The following DEPDC1 variants were observed in gnomAD, a reference collection of about 807,000 sequenced individuals.
DEPDC1 encodes DEP domain-containing protein 1A.
Under a neutral mutation model 86.8 loss-of-function variants are expected in DEPDC1, and 66 were observed. The ratio of observed to expected loss-of-function variants is 0.76; its 90% CI spans 0.62 to 0.93. The LOEUF (loss-of-function observed/expected upper bound fraction) is 0.93, where lower values mean the gene tolerates loss of function less well. Ranked by LOEUF, DEPDC1 falls within the 40% of genes least tolerant of loss-of-function variation. The pLI is 0.00. For synonymous variants in DEPDC1, 255 were observed against 314.9 expected (o/e 0.81, Z 2.02); for missense variants, 792 against 935.7 (o/e 0.85, Z 2.00).
chr1:68,492,660 G>A (rs769803006), intron 2 of DEPDC1, among the ~76,000 whole-genome samples: 1 of 152,160 alleles, frequency 6.6e-6, no homozygotes, highest in Non-Finnish European at 1.5e-5. Context: ...GGGGCAGAGA[G>A]ACTAGTTGAG....
At position 68,481,627 on chromosome 1, in the gene DEPDC1, T is replaced by A. The variant is rs1557617530; in HGVS notation, c.1763-15A>T. The A allele has an allele frequency of 1.4e-6, 2 of 1,473,898 alleles. No homozygotes were observed. The highest frequency in any genetic ancestry group is 2.4e-5 in the South Asian group (2 of 83,418). 91.3% of individuals were successfully genotyped at this position (1,473,898 alleles called of 1,614,324 possible). A position where few individuals can be genotyped will look rare whatever the true frequency, so the allele number is the denominator to read the frequency against. On this transcript the variant is annotated splice_polypyrimidine_tract_variant and intron_variant, in intron 8 of 11. Transcript: ENST00000456315. Reference sequence around the variant, plus strand: ...TTGCAGCAAGCCTAGAATACAAAAATACCCCCCCAAAAATCATCAATGACA... The same window carrying A: ...TTGCAGCAAGCCTAGAATACAAAAAAACCCCCCCAAAAATCATCAATGACA...
At chr1:68,484,160 A>G in intron 6 of DEPDC1, 70 bp from the exon 7 acceptor site, 1 of 1,241,212 alleles carries the variant, frequency 8.1e-7, no homozygotes. Context: ...AAACATAAAA[A>G]GTATAAAATC....
chr1:68,487,148 T>C (rs562207685), intron 5 of DEPDC1, among the ~76,000 whole-genome samples, 164 bp from the exon 6 acceptor site: 2 of 152,152 alleles, frequency 1.3e-5, no homozygotes, highest in South Asian at 2.1e-4. Flanking sequence ...ATTATATGTT[T>C]AATAAGACAC....
chr1:68,482,051 G>A lies in DEPDC1; in HGVS notation c.1757C>T (p.Thr586Ile). 6.3e-7 allele frequency: 1 copy of A among 1,583,740 alleles called. No individual in the cohort carries two copies. Among genetic ancestry groups the A allele is most frequent in the Non-Finnish European group, 8.6e-7 (1 of 1,168,404 alleles). ...LLPASSMLTG[T>I]QSLLQPHLER... ...ATTGAAAGCAACAGCCTTACTTTGT[G>A]TGCCAGTCAACATAGAAGAAGCTGG... The change falls in exon 8 of 12, where the codon ACA becomes ATA. Residue 586 changes from threonine (T) to isoleucine (I), a missense_variant. Thr to Ile is a moderately conservative substitution (Grantham distance 89). Coordinates refer to ENST00000456315, the MANE Select transcript of DEPDC1 (RefSeq NM_001114120.3).
rs898420847 is a variant in DEPDC1, at chr1:68,476,312, A to AAT, written c.*618_*619dup. On this transcript the variant is annotated 3_prime_UTR_variant, in exon 12 of 12. Transcript: ENST00000456315. ...ATAGATTATGAAAACTAGAATTCAA[A>AAT]ATATATATACTGAACAAATGAATGA... 4.4e-4 allele frequency: 67 copies of AAT among 151,968 alleles called. 1 individual carries two copies. The highest frequency in any genetic ancestry group is 1.2e-3 in the African/African-American group (50 of 41,538). The allele number at this position is 151,968 out of a possible 1,614,324, so 9.4% of individuals were successfully genotyped here.
chr1:68,495,977 C>T (rs1646262178), intron 1 of DEPDC1, among the ~76,000 whole-genome samples: 1 of 152,130 alleles, frequency 6.6e-6, no homozygotes, highest in Non-Finnish European at 1.5e-5. Flanking sequence ...TAAATTCTAT[C>T]CTTCATATTG....
Position 68,496,773 on chromosome 1 carries a change from T to C in DEPDC1, c.48+179A>G, listed in dbSNP as rs1646268657. 1 of 594,250 alleles carries C rather than the reference T, an allele frequency of 1.7e-6. No individual in the cohort carries two copies. The highest frequency in any genetic ancestry group is 3.0e-6 in the Non-Finnish European group (1 of 335,266). 36.8% of individuals were successfully genotyped at this position (594,250 alleles called of 1,614,324 possible). On this transcript the variant is annotated intron_variant, in intron 1 of 11. Coordinates refer to ENST00000456315, the MANE Select transcript of DEPDC1 (RefSeq NM_001114120.3). This position sits in a 1 kb window ranked among gnomAD's most constrained non-coding sequence, Gnocchi z 4.0. Reference sequence around the variant, plus strand: ...CAGACCCTCAAAATAGAGGGAGCGGTGAGTCTGGCAAGGGTTGCATACCCG... The same window carrying C: ...CAGACCCTCAAAATAGAGGGAGCGGCGAGTCTGGCAAGGGTTGCATACCCG...
chr1:68,481,499 G>A lies in DEPDC1; in HGVS notation c.1876C>T (p.Arg626Ter), dbSNP rs772947978. 5.0e-6 allele frequency: 8 copies of A among 1,612,080 alleles called. No homozygotes were observed. Among genetic ancestry groups the A allele is most frequent in the South Asian group, 3.3e-5 (3 of 90,956 alleles). Reference sequence around the variant, plus strand: ...GGCATATCAACATTTTGACTCATTCGGGAAATCATACGCATTAAAAGTTGA... The same window carrying A: ...GGCATATCAACATTTTGACTCATTCAGGAAATCATACGCATTAAAAGTTGA... Reference protein sequence around the residue: ...KLQLLMRMISRMSQNVDMPKL... With the variant: ...KLQLLMRMIS The change falls in exon 9 of 12, where the codon CGA (arginine) becomes TGA (stop). Residue 626 changes from arginine (R) to a stop codon, truncating the protein, a stop_gained. Transcript: ENST00000456315. LOFTEE classifies it high-confidence loss of function.
Position 68,486,976 on chromosome 1 carries a change from G to A in DEPDC1, c.730C>T (p.Pro244Ser), listed in dbSNP as rs368546172. Reference sequence around the variant, plus strand: ...TTCATGGCAGATAATACCCAGTGAGGGAGGTCATCTACACAAAAAGAAAAA... The same window carrying A: ...TTCATGGCAGATAATACCCAGTGAGAGAGGTCATCTACACAAAAAGAAAAA... ...VILQNKSDDL[P>S]HWVLSAMKCL... is the part of the protein sequence containing the mutation. The change falls in exon 6 of 12, where the codon CCT (proline) becomes TCT (serine). Residue 244 changes from proline (P) to serine (S), a missense_variant. Coordinates refer to ENST00000456315, the MANE Select transcript of DEPDC1 (RefSeq NM_001114120.3). 12 of 1,597,902 alleles carry A rather than the reference G, an allele frequency of 7.5e-6. No individual in the cohort carries two copies. The African/African-American group carries it at 1.6e-4, about 22-fold the overall frequency.
At position 68,494,969 on chromosome 1, in the gene DEPDC1, T is replaced by A. The variant is rs1018472845; in HGVS notation, c.49-274A>T. 3.9e-5 allele frequency among the ~76,000 whole-genome samples: 6 copies of A among 152,120 alleles called. No homozygotes were observed. In the South Asian group the frequency reaches 1.0e-3, roughly 26 times the overall value. On this transcript the variant is annotated intron_variant, in intron 1 of 11. Coordinates refer to ENST00000456315, the MANE Select transcript of DEPDC1 (RefSeq NM_001114120.3). ...ACCAGCCTGACCAATATGGAGAAAC[T>A]CCGTCTCTACTAAAAATACAAAATT...
At position 68,475,885 on chromosome 1, in the gene DEPDC1, A is replaced by G. The variant is rs1214801120; in HGVS notation, c.*1047T>C. On this transcript the variant is annotated 3_prime_UTR_variant, in exon 12 of 12. Coordinates refer to ENST00000456315, the MANE Select transcript of DEPDC1 (RefSeq NM_001114120.3). The stretch of plus-strand genomic sequence containing the variant: ...GCTGAATATTGGAATCACCTAGATT[A>G]AAAAAAATACTAATCCCTATACAAC... 1 of 151,658 alleles carries G rather than the reference A, an allele frequency of 6.6e-6. No homozygotes were observed. Among genetic ancestry groups the G allele is most frequent in the Non-Finnish European group, 1.5e-5 (1 of 67,754 alleles). The allele number at this position is 151,658 out of a possible 1,614,324, so 9.4% of individuals were successfully genotyped here.
chr1:68,489,268 A>T (rs1646213639), intron 3 of DEPDC1, among the ~76,000 whole-genome samples, 184 bp downstream of exon 3: 1 of 151,902 alleles, frequency 6.6e-6, no homozygotes, highest in Non-Finnish European at 1.5e-5. Context: ...ATGTCTCACT[A>T]TCATTTTTAT....
chr1:68,493,916 C>G (rs1646246063), intron 2 of DEPDC1, among the ~76,000 whole-genome samples: 1 of 151,950 alleles, frequency 6.6e-6, no homozygotes, highest in African/African-American at 2.4e-5. Flanking sequence ...CCAGGCTGGT[C>G]TCAAACTCCT....
At position 68,497,055 on chromosome 1, in the gene DEPDC1, C is replaced by A. The variant is rs1646272204; in HGVS notation, c.-56G>T. On this transcript the variant is annotated 5_prime_UTR_variant, in exon 1 of 12. Coordinates refer to ENST00000456315, the MANE Select transcript of DEPDC1 (RefSeq NM_001114120.3). ...CGGCGAAGGCGACACTCAGGCCCAGCGGCCGCGGCAGTGGCGAGTCTCGGC... is the reference window on the plus strand; with the variant it reads ...CGGCGAAGGCGACACTCAGGCCCAGAGGCCGCGGCAGTGGCGAGTCTCGGC... 1 of 1,591,006 alleles carries A rather than the reference C, an allele frequency of 6.3e-7. No homozygotes were observed. The highest frequency in any genetic ancestry group is 1.1e-5 in the South Asian group (1 of 90,232).
intron 6 of DEPDC1, 148 bp downstream of exon 6, chr1:68,486,789 G>A (rs1646195313): frequency 3.9e-6 from 4 of 1,018,966 alleles, no homozygotes; most frequent in South Asian, 9.7e-5. Context: ...AATTCCACTA[G>A]ACTTTCATTT....
Position 68,479,128 on chromosome 1 carries a change from G to T in DEPDC1, c.2112+16C>A. Reference sequence around the variant, plus strand: ...AACTGACTATTGCAGAGAATTTTAAGACTCACAATACTTACATGTCCCTTT... The same window carrying T: ...AACTGACTATTGCAGAGAATTTTAATACTCACAATACTTACATGTCCCTTT... On this transcript the variant is annotated intron_variant, in intron 10 of 11. Coordinates refer to ENST00000456315, the MANE Select transcript of DEPDC1 (RefSeq NM_001114120.3). The T allele has an allele frequency of 1.3e-6, 2 of 1,583,746 alleles. No individual in the cohort carries two copies. Among genetic ancestry groups the T allele is most frequent in the South Asian group, 2.3e-5 (2 of 85,738 alleles).
intron 11 of DEPDC1, 29 bp downstream of exon 11, chr1:68,477,758 C>T (rs754599500): frequency 2.6e-5 from 35 of 1,338,820 alleles, no homozygotes; most frequent in Non-Finnish European, 3.1e-5. Flanking sequence ...AAAATGTTTA[C>T]ATGATTGAGA....
In DEPDC1 at chr1:68,482,157, T is replaced by C; in HGVS notation, c.1651A>G (p.Ser551Gly). 1 of 1,612,964 alleles carries C rather than the reference T, an allele frequency of 6.2e-7. No homozygotes were observed. Among genetic ancestry groups the C allele is most frequent in the Non-Finnish European group, 8.5e-7 (1 of 1,179,214 alleles). Residue 551 changes from serine (S) to glycine (G), a missense_variant, in exon 8 of 12, where the codon AGT (serine) becomes GGT (glycine). By Grantham distance (56) the Ser-to-Gly change is moderately conservative (BLOSUM62 0). Coordinates refer to ENST00000456315, the MANE Select transcript of DEPDC1 (RefSeq NM_001114120.3). ...GTGGCACTAGACTCTCCGAGTTCAC[T>C]TTCCATAGCTGTTTGCACACTTGTG... ...GSTSVQTAME[S>G]ELGESSATIN...
intron 6 of DEPDC1, among the ~76,000 whole-genome samples, chr1:68,484,572 C>T (rs1453869344): frequency 1.3e-5 from 2 of 151,944 alleles, no homozygotes; most frequent in Admixed American, 6.6e-5. Context: ...ATCATACCTA[C>T]TCATTTGTGT....
Sources: gnomAD v4.1 joint callset for allele counts (sites outside exome capture counted in the v4.1 genomes callset) on GRCh38, gnomAD v4.1.1 for gene constraint, Gnocchi (gnomAD v3.1) non-coding constraint, MANE v1.5 for transcripts, NCBI Gene and HGNC (gene_info 2026-07-23, HGNC 2026-07-21) for gene names.